The following NEK10 variants were observed in gnomAD, a reference collection of about 807,000 sequenced individuals.
NEK10 encodes the protein NIMA related kinase 10.
In NEK10, 122 loss-of-function variants were observed where a neutral mutation model predicts 159.8. The observed-to-expected ratio is 0.76, with a 90% CI of 0.66 to 0.89. NEK10 has a LOEUF of 0.89. NEK10 is among the 40% of genes least tolerant of loss of function. The probability of loss-of-function intolerance (pLI) is 0.00; values close to 1 mark genes in which losing one functional copy is unlikely to be tolerated. For missense variants in NEK10, 1,342 were observed against 1,323.1 expected (o/e 1.01, Z -0.22); for synonymous variants, 466 against 457.1 (o/e 1.02, Z -0.25).
intron 3 of NEK10, among the ~76,000 whole-genome samples, chr3:27,350,495 AT>A (rs1176960398): frequency 3.9e-5 from 6 of 152,346 alleles, no homozygotes; most frequent in South Asian, 2.1e-4. Context: ...TTACAAATGA[AT>A]GAAACTTTTA....
At chr3:27,289,215 C>G (rs965804415) in intron 19 of NEK10, among the ~76,000 whole-genome samples, 1 of 152,228 alleles carries the variant, frequency 6.6e-6, no homozygotes, top group African/African-American at 2.4e-5. Context: ...ACCTGGTTTA[C>G]TCACTTTGGG....
At chr3:27,185,618 G>GA (rs1241950812) in intron 26 of NEK10, among the ~76,000 whole-genome samples, 70 of 152,306 alleles carry the variant, frequency 4.6e-4, no homozygotes, top group African/African-American at 1.5e-3. Context: ...CCACAATCAT[G>GA]TAAGCCAGTT....
At chr3:27,345,764 T>G (rs2047508683) in intron 4 of NEK10, among the ~76,000 whole-genome samples, 1 of 152,216 alleles carries the variant, frequency 6.6e-6, no homozygotes, top group Non-Finnish European at 1.5e-5. Flanking sequence ...ATCTCATTAC[T>G]GGCAAGATCT....
At chr3:27,217,068 A>T (rs112248999) in intron 23 of NEK10, among the ~76,000 whole-genome samples, 2,568 of 152,326 alleles carry the variant, frequency 0.017, 79 homozygotes, top group African/African-American at 0.059. Flanking sequence ...AATTTTACTG[A>T]CAGGCTTCTT....
rs1256098107 is a variant in NEK10, at chr3:27,202,517, C to G, written c.2131G>C (p.Asp711His). The G allele has an allele frequency of 6.2e-7, 1 of 1,612,640 alleles. No homozygotes were observed. Among genetic ancestry groups the G allele is most frequent in the Non-Finnish European group, 8.5e-7 (1 of 1,179,260 alleles). ...AGGATGCAGCCTACTGCCCAGACAT[C>G]AGCCTTCTCCCCATACGGCTCACTC... Reference protein sequence around the residue: ...LKSEPYGEKADVWAVGCILYQ... With the variant: ...LKSEPYGEKAHVWAVGCILYQ... The change falls in exon 24 of 36, where the codon GAT becomes CAT. Residue 711 changes from aspartate to histidine, a missense_variant. Coordinates refer to ENST00000691995, the MANE Select transcript of NEK10 (RefSeq NM_001394966.1).
chr3:27,333,640 T>A (rs1172667581), intron 5 of NEK10, among the ~76,000 whole-genome samples: 2 of 151,944 alleles, frequency 1.3e-5, no homozygotes, highest in Non-Finnish European at 2.9e-5. Flanking sequence ...AAGCATGAGC[T>A]GCTGCCCTCA....
intron 32 of NEK10, among the ~76,000 whole-genome samples, chr3:27,128,262 C>G (rs1942203320): frequency 6.6e-6 from 1 of 152,142 alleles, no homozygotes; most frequent in African/African-American, 2.4e-5. Flanking sequence ...AATTTGCTGA[C>G]TTCTAATCTA....
At chr3:27,262,401 C>T (rs1416547898) in intron 22 of NEK10, among the ~76,000 whole-genome samples, 3 of 152,188 alleles carry the variant, frequency 2.0e-5, no homozygotes, top group Admixed American at 6.5e-5. Context: ...TGGGGAAGTA[C>T]CCCTGGATAA....
chr3:27,168,256 G>GAAA (rs200895276), intron 29 of NEK10, among the ~76,000 whole-genome samples: 1 of 139,984 alleles, frequency 7.1e-6, no homozygotes, highest in South Asian at 2.2e-4. Context: ...CACAGAATAG[G>GAAA]AAAAAAAAAA....
intron 29 of NEK10, 123 bp from the exon 30 acceptor site, chr3:27,162,861 C>T (rs1257606759): frequency 3.1e-6 from 4 of 1,285,420 alleles, no homozygotes; most frequent in East Asian, 4.9e-5. Flanking sequence ...CCTCAAGATG[C>T]TCTCAAGAGT....
At chr3:27,173,836 T>A (rs935876546) in intron 28 of NEK10, among the ~76,000 whole-genome samples, 5 of 152,188 alleles carry the variant, frequency 3.3e-5, no homozygotes, top group African/African-American at 1.2e-4. Flanking sequence ...TTTTATTCTA[T>A]CTCTCTTTAT....
intron 22 of NEK10, among the ~76,000 whole-genome samples, chr3:27,263,997 A>G (rs1386678162): frequency 6.6e-6 from 1 of 152,200 alleles, no homozygotes; most frequent in Admixed American, 6.5e-5. Flanking sequence ...TATTGAATAA[A>G]TGATGTATAT....
At chr3:27,136,997 T>C (rs183672582) in intron 31 of NEK10, among the ~76,000 whole-genome samples, 1 of 152,362 alleles carries the variant, frequency 6.6e-6, no homozygotes, top group East Asian at 1.9e-4. Context: ...AGTCTTCCTT[T>C]GCAATTAGCA....
In NEK10 at chr3:27,111,140, C is replaced by T; in HGVS notation, c.*132G>A. ...ACAGGACCCCCAGAAAGAAGTCCTGCAGGCCCCATGGCATCTTGGTCTTTT... is the reference window on the plus strand; with the variant it reads ...ACAGGACCCCCAGAAAGAAGTCCTGTAGGCCCCATGGCATCTTGGTCTTTT... On this transcript the variant is annotated 3_prime_UTR_variant, in exon 36 of 36. Coordinates refer to ENST00000691995, the MANE Select transcript of NEK10 (RefSeq NM_001394966.1). 2.7e-6 allele frequency: 2 copies of T among 732,692 alleles called. No individual in the cohort carries two copies. Among genetic ancestry groups the T allele is most frequent in the South Asian group, 2.0e-5 (1 of 49,256 alleles). The allele number at this position is 732,692 out of a possible 1,614,324, so 45.4% of individuals were successfully genotyped here. A position where few individuals can be genotyped will look rare whatever the true frequency, so the allele number is the denominator to read the frequency against.
chr3:27,137,231 GC>G (rs1415439967), intron 31 of NEK10, among the ~76,000 whole-genome samples: 5 of 152,122 alleles, frequency 3.3e-5, no homozygotes, highest in African/African-American at 7.2e-5. Flanking sequence ...AGCAAGGAAT[GC>G]CATTCTGCCA....
chr3:27,166,160 C>T (rs1946454963), intron 29 of NEK10, among the ~76,000 whole-genome samples: 1 of 152,176 alleles, frequency 6.6e-6, no homozygotes, highest in Non-Finnish European at 1.5e-5. Context: ...CAGGCAGTGA[C>T]ATTCATAAAT....
chr3:27,194,863 C>A (rs1261050597), intron 25 of NEK10, among the ~76,000 whole-genome samples: 2 of 152,148 alleles, frequency 1.3e-5, no homozygotes, highest in Non-Finnish European at 2.9e-5. Context: ...CTTAATAGTA[C>A]ACTAGTAGGT....
chr3:27,324,382 A>T (rs1363109267), intron 5 of NEK10, among the ~76,000 whole-genome samples: 1 of 152,148 alleles, frequency 6.6e-6, no homozygotes. Flanking sequence ...GGCTTCCTGA[A>T]TCTCAGTTTG....
At chr3:27,308,813 T>C (rs2044446981) in intron 10 of NEK10, 113 bp downstream of exon 10, 3 of 466,836 alleles carry the variant, frequency 6.4e-6, no homozygotes, top group Non-Finnish European at 1.2e-5. Flanking sequence ...TTCACACTTA[T>C]TTATCAAGAA....
Sources: allele counts gnomAD v4.1 joint callset (sites outside exome capture counted in the v4.1 genomes callset), GRCh38; gene constraint gnomAD v4.1.1; transcripts MANE v1.5; gene names NCBI Gene and HGNC (gene_info 2026-07-23, HGNC 2026-07-21).